The following CPA4 variants were observed in gnomAD, a reference collection of about 807,000 sequenced individuals.
CPA4 encodes the protein carboxypeptidase A4, also known as carboxypeptidase A3.
In CPA4, 49 loss-of-function variants were observed where a neutral mutation model predicts 54.7. The ratio of observed to expected loss-of-function variants is 0.90; its 90% confidence interval spans 0.71 to 1.14. The LOEUF is 1.14. Among genes scored for constraint, CPA4 ranks in the 50% most tolerant of loss-of-function variants. The probability of loss-of-function intolerance (pLI) is 0.00; values close to 1 mark genes in which losing one functional copy is unlikely to be tolerated. For synonymous variants in CPA4, 215 were observed against 206.8 expected (o/e 1.04, Z -0.34); for missense variants, 487 against 525.1 (o/e 0.93, Z 0.71).
intron 10 of CPA4, among the ~76,000 whole-genome samples, chr7:130,321,937 C>T (rs1186453092): frequency 6.6e-6 from 1 of 152,202 alleles, no homozygotes; most frequent in African/African-American, 2.4e-5. Context: ...TCCTCACTAT[C>T]ATGAATCTCT....
At chr7:130,297,822 C>G (rs943970934) in intron 1 of CPA4, among the ~76,000 whole-genome samples, 1 of 152,214 alleles carries the variant, frequency 6.6e-6, no homozygotes, top group African/African-American at 2.4e-5. Context: ...CACCTAGCAA[C>G]AGCCTAATGG....
At chr7:130,307,011 G>A in intron 7 of CPA4, 114 bp downstream of exon 7, 1 of 698,670 alleles carries the variant, frequency 1.4e-6, no homozygotes, top group Non-Finnish European at 2.6e-6. Context: ...GCTTCCTTGG[G>A]ATTTCATCTT....
intron 5 of CPA4, among the ~76,000 whole-genome samples, chr7:130,305,409 C>G (rs79647391): frequency 1.3e-5 from 2 of 152,324 alleles, no homozygotes; most frequent in South Asian, 2.1e-4. Context: ...AGCGAGCCCC[C>G]CTTCTTCTTA....
chr7:130,306,171 T>C (rs1793818239), intron 6 of CPA4: 2 of 533,206 alleles, frequency 3.8e-6, no homozygotes. Context: ...CTGAGAGCAG[T>C]CCACTCCGCA....
chr7:130,304,634 C>A, intron 5 of CPA4, 55 bp downstream of exon 5: 1 of 1,032,748 alleles, frequency 9.7e-7, no homozygotes, highest in Non-Finnish European at 1.5e-6. Flanking sequence ...CAGGACCCAG[C>A]CTCAGACCTC....
rs775082970 is a variant in CPA4 at position 130,312,082 on chromosome 7, G to A, written c.1038G>A (p.Ser346=). Residue 346 remains serine (S), a synonymous_variant, in exon 10 of 11, where the codon TCG becomes TCA. Transcript: ENST00000222482. ...CGGCCAAAGCTCTGGCTTCTGTGTC[G>A]GGCACTGAGTACCAAGTGGGTCCCA... ...RLAAKALASV[S]GTEYQVGPTC... 2.7e-5 allele frequency: 44 copies of A among 1,613,950 alleles called. No homozygotes were observed. The East Asian group carries it at 4.2e-4, about 16-fold the overall frequency.
intron 3 of CPA4, 82 bp from the exon 4 acceptor site, chr7:130,300,734 A>AC (rs1403336396): frequency 2.2e-6 from 2 of 895,226 alleles, no homozygotes; most frequent in East Asian, 4.8e-5. Context: ...ATCTTGGCTG[A>AC]CCCATATGCA....
At chr7:130,315,108 G>A (rs1026748121) in intron 10 of CPA4, among the ~76,000 whole-genome samples, 5 of 151,728 alleles carry the variant, frequency 3.3e-5, no homozygotes, top group Admixed American at 6.6e-5. Context: ...TTAGGTGTGA[G>A]GGGGGGAATT....
rs1278743932 is a variant in CPA4 at position 130,310,239 on chromosome 7, C to A, written c.794-548C>A. ...GTGGTTTCAGTCACATTCATACACA[C>A]ACACACGCACACACACACGTATGCA... On this transcript the variant is annotated intron_variant, in intron 8 of 10. Coordinates refer to ENST00000222482, the MANE Select transcript of CPA4 (RefSeq NM_016352.4). The surrounding 1 kb of genome is among the most constrained non-coding windows in gnomAD (Gnocchi z 4.3). Among the ~76,000 whole-genome samples the A allele has an allele frequency of 6.6e-6, 1 of 151,712 alleles. No individual in the cohort carries two copies. The highest frequency in any genetic ancestry group is 6.6e-5 in the Admixed American group (1 of 15,248).
chr7:130,318,861 G>A (rs865996939), intron 10 of CPA4, among the ~76,000 whole-genome samples: 2 of 152,132 alleles, frequency 1.3e-5, no homozygotes, highest in Admixed American at 6.5e-5. Flanking sequence ...CACAGTCGAC[G>A]TTTGTCCTTT....
rs1793924968 is a variant in CPA4, at chr7:130,312,111, G to T, written c.1067G>T (p.Cys356Phe). The T allele has an allele frequency of 6.2e-7, 1 of 1,612,806 alleles. No homozygotes were observed. Among genetic ancestry groups the T allele is most frequent in the Non-Finnish European group, 8.5e-7 (1 of 1,178,796 alleles). ...ACTGAGTACCAAGTGGGTCCCACCT[G>T]CACCACTGTCTGTAAGTACTCGCTT... Reference protein sequence around the residue: ...SGTEYQVGPTCTTVYPASGSS... With the variant: ...SGTEYQVGPTFTTVYPASGSS... The change falls in exon 10 of 11, where the codon TGC (cysteine) becomes TTC (phenylalanine). Residue 356 changes from cysteine to phenylalanine, a missense_variant. Transcript: ENST00000222482.
chr7:130,317,759 G>T (rs141862775), intron 10 of CPA4, among the ~76,000 whole-genome samples: 1 of 151,990 alleles, frequency 6.6e-6, no homozygotes, highest in East Asian at 1.9e-4. Flanking sequence ...GAGCCACCTC[G>T]CCCTTCTTTC....
In CPA4 at chr7:130,310,935, G is replaced by T; in HGVS notation, c.942G>T (p.Leu314=). 6.2e-7 allele frequency: 1 copy of T among 1,614,180 alleles called. No individual in the cohort carries two copies. The highest frequency in any genetic ancestry group is 2.2e-5 in the East Asian group (1 of 44,882). ...ACCTGCACAGCTACTCGCAGCTGCTGATGTATCCATATGGGTACTCAGTCA... is the reference window on the plus strand; with the variant it reads ...ACCTGCACAGCTACTCGCAGCTGCTTATGTATCCATATGGGTACTCAGTCA... ...FIDLHSYSQL[L]MYPYGYSVKK... is the part of the protein sequence containing the mutation. Residue 314 remains leucine, a synonymous_variant, in exon 9 of 11, where the codon CTG becomes CTT. Coordinates refer to ENST00000222482, the MANE Select transcript of CPA4 (RefSeq NM_016352.4). This position sits in a 1 kb window ranked among gnomAD's most constrained non-coding sequence, Gnocchi z 4.3.
intron 5 of CPA4, among the ~76,000 whole-genome samples, chr7:130,305,028 A>G (rs547996439): frequency 6.6e-6 from 1 of 152,258 alleles, no homozygotes; most frequent in East Asian, 1.9e-4. Flanking sequence ...CCTAATTTCC[A>G]AATATTTCTA....
chr7:130,316,119 T>C (rs1322626872), intron 10 of CPA4, among the ~76,000 whole-genome samples: 1 of 152,128 alleles, frequency 6.6e-6, no homozygotes, highest in African/African-American at 2.4e-5. Context: ...AATTGGATGA[T>C]TGGTTGAGAC....
chr7:130,316,563 T>C (rs1793989777), intron 10 of CPA4, among the ~76,000 whole-genome samples: 1 of 152,150 alleles, frequency 6.6e-6, no homozygotes, highest in South Asian at 2.1e-4. Flanking sequence ...GGGCTCCCTT[T>C]ATGTGAGTGG....
intron 9 of CPA4, 148 bp from the exon 10 acceptor site, chr7:130,311,890 C>G (rs1395889978): frequency 1.3e-5 from 8 of 637,122 alleles, no homozygotes; most frequent in Admixed American, 1.2e-4. Context: ...TACAGTTGGG[C>G]CTTGGCACTG....
Position 130,311,944 on chromosome 7 carries a change from T to C in CPA4, c.994-94T>C, listed in dbSNP as rs146291706. ...GACCAGAAAGGAAATCGGGGGGGGC[T>C]GAGAATCTTCCAAACCATCCCAGAG... On this transcript the variant is annotated intron_variant, in intron 9 of 10. Transcript: ENST00000222482. 2.4e-3 allele frequency: 2,151 copies of C among 913,936 alleles called. 38 individuals are homozygous for C. The African/African-American group carries it at 0.031, about 13-fold the overall frequency. The allele number at this position is 913,936 out of a possible 1,614,324, so 56.6% of individuals were successfully genotyped here. A position where few individuals can be genotyped will look rare whatever the true frequency, so the allele number is the denominator to read the frequency against.
chr7:130,310,959 C>A lies in CPA4; in HGVS notation c.966C>A (p.Val322=), dbSNP rs1168778655. The A allele has an allele frequency of 6.2e-7, 1 of 1,614,094 alleles. No homozygotes were observed. The highest frequency in any genetic ancestry group is 1.1e-5 in the South Asian group (1 of 91,068). ...QLLMYPYGYS[V]KKAPDAEELD... ...TGATGTATCCATATGGGTACTCAGT[C>A]AAAAAGGCCCCAGATGCCGAGGAAC... Residue 322 remains valine, a synonymous_variant, in exon 9 of 11, where the codon GTC becomes GTA. Transcript: ENST00000222482. The surrounding 1 kb of genome is among the most constrained non-coding windows in gnomAD (Gnocchi z 4.3).
Sources: gnomAD v4.1 joint callset for allele counts (sites outside exome capture counted in the v4.1 genomes callset) on GRCh38, gnomAD v4.1.1 for gene constraint, Gnocchi (gnomAD v3.1) non-coding constraint, MANE v1.5 for transcripts, NCBI Gene and HGNC (gene_info 2026-07-23, HGNC 2026-07-21) for gene names.